Variants in PSD3 observed in about 807,000 individuals in gnomAD.
The protein encoded by PSD3 is PH and SEC7 domain-containing protein 3.
In PSD3, 49 loss-of-function variants were observed where a neutral mutation model predicts 105.5. That is an observed-to-expected ratio of 0.46 (90% confidence interval 0.37 to 0.59). The LOEUF is 0.59. Among genes scored for constraint, PSD3 ranks in the 20% least tolerant of loss-of-function variants. The pLI is 0.00. For missense variants in PSD3, 1,561 were observed against 1,263.8 expected, an observed-to-expected ratio of 1.24 and a Z score of -3.57; for synonymous variants, 557 against 457.8, an observed-to-expected ratio of 1.22 and a Z score of -2.77.
chr8:18,914,026 C>T (rs953410715), intron 2 of PSD3, among the ~76,000 whole-genome samples: 1 of 152,228 alleles, frequency 6.6e-6, no homozygotes, highest in Non-Finnish European at 1.5e-5. Flanking sequence ...AGGCTCCAGA[C>T]TTGAACCTGA....
chr8:18,994,678 T>C (rs1211762743), intron 1 of PSD3, among the ~76,000 whole-genome samples: 1 of 152,036 alleles, frequency 6.6e-6, no homozygotes, highest in Non-Finnish European at 1.5e-5. Flanking sequence ...AAATAAAATA[T>C]ATTACCTACA....
intron 11 of PSD3, among the ~76,000 whole-genome samples, chr8:18,605,948 G>A (rs1458784014): frequency 1.3e-5 from 2 of 152,088 alleles, no homozygotes; most frequent in Non-Finnish European, 2.9e-5. Flanking sequence ...CATGTTTCCT[G>A]TATAGCCTGT....
chr8:18,583,368 C>A (rs994445562), intron 12 of PSD3, among the ~76,000 whole-genome samples: 3 of 152,082 alleles, frequency 2.0e-5, no homozygotes, highest in African/African-American at 7.2e-5. Context: ...GGGGTCAAGG[C>A]TGCAGTGAGC....
At chr8:18,980,225 G>C (rs149349177) in intron 1 of PSD3, among the ~76,000 whole-genome samples, 4 of 152,200 alleles carry the variant, frequency 2.6e-5, no homozygotes, top group Non-Finnish European at 5.9e-5. Flanking sequence ...TGGTGAGAAA[G>C]CCAGACCTGA....
rs558605885 is a variant in PSD3, at chr8:18,828,189, A to G, written c.1635-23291T>C. 1.3e-4 allele frequency among the ~76,000 whole-genome samples: 20 copies of G among 151,364 alleles called. No homozygotes were observed. The East Asian group carries it at 2.4e-3, about 18-fold the overall frequency. ...GGCTCCTTGGCTCATGGTAATTTCC[A>G]TGTCACAGATTTGCCAAAGGAAACA... On this transcript the variant is annotated intron_variant, in intron 4 of 15. Transcript: ENST00000327040.
intron 1 of PSD3, among the ~76,000 whole-genome samples, chr8:19,079,180 A>C (rs1272945319): frequency 1.3e-5 from 2 of 152,130 alleles, no homozygotes; most frequent in Non-Finnish European, 2.9e-5. Context: ...ACACTAAGGC[A>C]AATCACAAGA....
chr8:18,908,522 C>T (rs1487525351), intron 2 of PSD3, among the ~76,000 whole-genome samples: 1 of 152,170 alleles, frequency 6.6e-6, no homozygotes, highest in East Asian at 1.9e-4. Context: ...CCCTTTCACC[C>T]TGCACTGCTT....
intron 14 of PSD3, among the ~76,000 whole-genome samples, chr8:18,565,613 G>C (rs180930829): frequency 4.9e-4 from 75 of 152,164 alleles, no homozygotes; most frequent in African/African-American, 1.7e-3. Flanking sequence ...TCCCCACACT[G>C]TTTATCTTTC....
At chr8:18,684,204 C>A (rs1032465350) in intron 9 of PSD3, 41 of 195,550 alleles carry the variant, frequency 2.1e-4, no homozygotes, top group Middle Eastern at 1.9e-3. Context: ...TCTCTCTTTT[C>A]CACACACACA....
Position 18,937,793 on chromosome 8 carries a change from C to T in PSD3, c.22-1651G>A, listed in dbSNP as rs556590485. Among the ~76,000 whole-genome samples, 8 of 152,298 alleles carry T rather than the reference C, an allele frequency of 5.3e-5. No homozygotes were observed. In the South Asian group the frequency reaches 1.7e-3, roughly 32 times the overall value. On this transcript the variant is annotated intron_variant, in intron 1 of 15. Coordinates refer to ENST00000327040, the MANE Select transcript of PSD3 (RefSeq NM_015310.4). Reference sequence around the variant, plus strand: ...GTAAAAGAGGAACTCGGCCAAGGGGCTGCCACGTAAGGTGCCCTAATTTGG... The same window carrying T: ...GTAAAAGAGGAACTCGGCCAAGGGGTTGCCACGTAAGGTGCCCTAATTTGG...
chr8:18,974,907 G>GA (rs1007946928), intron 1 of PSD3, among the ~76,000 whole-genome samples: 4 of 150,524 alleles, frequency 2.7e-5, no homozygotes, highest in African/African-American at 4.9e-5. Context: ...AGGTCAAAGG[G>GA]AAAAAAAAAT....
chr8:18,896,474 T>C lies in PSD3; in HGVS notation c.131-23741A>G, dbSNP rs931311121. ...TGTCGTTCAGGCTGCAGTGCACTGG[T>C]GCAATCTTGGCTTGCTGCAGCCTTG... On this transcript the variant is annotated intron_variant, in intron 2 of 15. Coordinates refer to ENST00000327040, the MANE Select transcript of PSD3 (RefSeq NM_015310.4). Among the ~76,000 whole-genome samples the C allele has an allele frequency of 2.6e-5, 4 of 152,314 alleles. No individual in the cohort carries two copies. In the East Asian group the frequency reaches 7.7e-4, roughly 29 times the overall value.
At chr8:18,708,983 G>A (rs376082357) in intron 9 of PSD3, among the ~76,000 whole-genome samples, 3 of 152,162 alleles carry the variant, frequency 2.0e-5, no homozygotes, top group Non-Finnish European at 4.4e-5. Flanking sequence ...CTGCGGATCA[G>A]GAGATCCCCT....
chr8:19,019,017 G>A (rs530629860), intron 1 of PSD3, among the ~76,000 whole-genome samples: 97 of 152,282 alleles, frequency 6.4e-4, no homozygotes, highest in African/African-American at 2.1e-3. Flanking sequence ...GGATAGTCTT[G>A]ATCTCCTGAC....
chr8:19,005,002 C>T (rs1288991746), intron 1 of PSD3, among the ~76,000 whole-genome samples: 2 of 152,026 alleles, frequency 1.3e-5, no homozygotes, highest in Non-Finnish European at 2.9e-5. Context: ...GTCTCAGGAA[C>T]GTCTTTATCA....
chr8:18,903,863 T>A (rs1057271561), intron 2 of PSD3, among the ~76,000 whole-genome samples: 9 of 152,078 alleles, frequency 5.9e-5, no homozygotes, highest in African/African-American at 2.2e-4. Flanking sequence ...AAGGTGTGAC[T>A]TCTCCGAGTA....
chr8:18,636,230 C>T (rs930425104), intron 10 of PSD3, among the ~76,000 whole-genome samples: 1 of 151,998 alleles, frequency 6.6e-6, no homozygotes, highest in African/African-American at 2.4e-5. Flanking sequence ...ATTATTTAAA[C>T]TCTTAGGCTA....
intron 4 of PSD3, among the ~76,000 whole-genome samples, chr8:18,861,491 C>T (rs1449700196): frequency 1.3e-5 from 2 of 152,102 alleles, no homozygotes; most frequent in African/African-American, 4.8e-5. Context: ...TCACAAGTAA[C>T]CCTCTCTCTC....
intron 9 of PSD3, among the ~76,000 whole-genome samples, chr8:18,668,762 C>A (rs1397684737): frequency 6.6e-6 from 1 of 152,142 alleles, no homozygotes; most frequent in Non-Finnish European, 1.5e-5. Flanking sequence ...TTCACATACA[C>A]ACCTGTGTAC....
Sources: gnomAD v4.1 joint callset for allele counts (sites outside exome capture counted in the v4.1 genomes callset) on GRCh38, gnomAD v4.1.1 for gene constraint, MANE v1.5 for transcripts, NCBI Gene and HGNC (gene_info 2026-07-23, HGNC 2026-07-21) for gene names.